The following TMTC2 variants were observed in gnomAD, a reference collection of about 807,000 sequenced individuals.
The protein encoded by TMTC2 is transmembrane O-mannosyltransferase targeting cadherins 2.
A neutral mutation model predicts 82.4 loss-of-function variants in TMTC2; 43 were observed. The ratio of observed to expected loss-of-function variants is 0.52; its 90% CI spans 0.41 to 0.67. The LOEUF (loss-of-function observed/expected upper bound fraction) is 0.67. Ranked by LOEUF, TMTC2 falls within the 30% of genes least tolerant of loss-of-function variation. TMTC2 has a pLI of 0.00. For synonymous variants in TMTC2, 408 were observed against 381.9 expected (o/e 1.07, Z -0.80); for missense variants, 919 against 1,012.4 (o/e 0.91, Z 1.25).
chr12:82,723,171 G>A (rs1454252481), intron 1 of TMTC2, among the ~76,000 whole-genome samples: 2 of 152,162 alleles, frequency 1.3e-5, no homozygotes, highest in East Asian at 1.9e-4. Context: ...GTAAAGAGAC[G>A]ATTTTAACTA....
At chr12:82,740,399 G>T (rs1405620056) in intron 1 of TMTC2, among the ~76,000 whole-genome samples, 3 of 152,142 alleles carry the variant, frequency 2.0e-5, no homozygotes, top group Non-Finnish European at 4.4e-5. Context: ...CTATCTAATG[G>T]CTACTTATTT....
chr12:82,994,988 A>G (rs958848470), intron 8 of TMTC2, among the ~76,000 whole-genome samples: 3 of 149,582 alleles, frequency 2.0e-5, no homozygotes, highest in African/African-American at 7.4e-5. Flanking sequence ...TTGATACTCT[A>G]TGATACTTGA....
At chr12:82,834,610 C>T (rs1295029154) in intron 1 of TMTC2, among the ~76,000 whole-genome samples, 6 of 152,082 alleles carry the variant, frequency 3.9e-5, no homozygotes, top group Admixed American at 3.3e-4. Context: ...TCCAAGTCAC[C>T]GTTTACTGGA....
At chr12:82,947,665 T>C (rs1877097269) in intron 4 of TMTC2, among the ~76,000 whole-genome samples, 1 of 152,194 alleles carries the variant, frequency 6.6e-6, no homozygotes, top group Admixed American at 6.5e-5. Context: ...CAACAATCGA[T>C]GGCTTGGAAA....
At chr12:82,718,298 G>T (rs1391654247) in intron 1 of TMTC2, among the ~76,000 whole-genome samples, 1 of 152,286 alleles carries the variant, frequency 6.6e-6, no homozygotes, top group South Asian at 2.1e-4. Flanking sequence ...ACATTGCAGG[G>T]TATTGTGGAA....
intron 1 of TMTC2, among the ~76,000 whole-genome samples, chr12:82,719,085 A>ATTTTTTTTTTT (rs71068944): frequency 2.4e-5 from 1 of 41,406 alleles, no homozygotes; most frequent in African/African-American, 1.2e-4. Flanking sequence ...ATATATATAT[A>ATTTTTTTTTTT]TTTTTTTTTT....
intron 1 of TMTC2, among the ~76,000 whole-genome samples, chr12:82,706,937 A>G (rs13377925): frequency 0.15 from 23,569 of 152,176 alleles, 2,085 homozygotes; most frequent in East Asian, 0.35. Flanking sequence ...TGGATGCTTC[A>G]GAGTTTGGCA....
chr12:82,788,674 A>C (rs931033689), intron 1 of TMTC2, among the ~76,000 whole-genome samples: 4 of 152,098 alleles, frequency 2.6e-5, no homozygotes, highest in South Asian at 4.1e-4. Flanking sequence ...TTCAGGAGCT[A>C]ATGTCCTGGT....
At chr12:82,715,940 C>A (rs905926848) in intron 1 of TMTC2, among the ~76,000 whole-genome samples, 1 of 152,178 alleles carries the variant, frequency 6.6e-6, no homozygotes, top group African/African-American at 2.4e-5. Flanking sequence ...ACTTCCTTCT[C>A]CCCTCCGCTC....
chr12:82,824,394 A>G (rs903525553), intron 1 of TMTC2, among the ~76,000 whole-genome samples: 1 of 152,252 alleles, frequency 6.6e-6, no homozygotes, highest in Non-Finnish European at 1.5e-5. Flanking sequence ...ACCATTCATT[A>G]TAATAATTTG....
chr12:82,688,060 C>T (rs1337474944), intron 1 of TMTC2, among the ~76,000 whole-genome samples: 1 of 152,194 alleles, frequency 6.6e-6, no homozygotes, highest in Admixed American at 6.5e-5. Flanking sequence ...TCCTCGATCC[C>T]TGATAGATCC....
intron 1 of TMTC2, 24 bp from the exon 2 acceptor site, chr12:82,856,986 T>G: frequency 1.3e-6 from 2 of 1,579,166 alleles, no homozygotes; most frequent in Non-Finnish European, 1.7e-6. Flanking sequence ...TACATTTGAT[T>G]TTTTTTAACG....
chr12:82,905,758 A>C (rs1874259300), intron 3 of TMTC2, among the ~76,000 whole-genome samples: 2 of 152,162 alleles, frequency 1.3e-5, no homozygotes, highest in Admixed American at 1.3e-4. Flanking sequence ...CATTCTGGTC[A>C]ACATGGTGAA....
At chr12:82,771,952 C>T (rs7310087) in intron 1 of TMTC2, among the ~76,000 whole-genome samples, 1 of 152,038 alleles carries the variant, frequency 6.6e-6, no homozygotes, top group Non-Finnish European at 1.5e-5. Context: ...ATGGGCAAAT[C>T]AATCTTCTAT....
At chr12:83,010,045 C>T (rs1249986055) in intron 8 of TMTC2, among the ~76,000 whole-genome samples, 1 of 152,134 alleles carries the variant, frequency 6.6e-6, no homozygotes, top group Non-Finnish European at 1.5e-5. Flanking sequence ...CGCTCATTCA[C>T]ACACCACTCA....
At chr12:82,957,383 C>T (rs1041164091) in intron 4 of TMTC2, among the ~76,000 whole-genome samples, 6 of 151,994 alleles carry the variant, frequency 3.9e-5, no homozygotes, top group South Asian at 2.1e-4. Context: ...CAGCAAAAGC[C>T]GTGTTAAGAG....
chr12:82,705,389 T>G (rs1254937074), intron 1 of TMTC2, among the ~76,000 whole-genome samples: 2 of 152,220 alleles, frequency 1.3e-5, no homozygotes, highest in African/African-American at 4.8e-5. Context: ...ACAAAAGATT[T>G]AATTATATTT....
At chr12:82,936,116 T>G (rs921317282) in intron 4 of TMTC2, among the ~76,000 whole-genome samples, 5 of 151,974 alleles carry the variant, frequency 3.3e-5, no homozygotes, top group Non-Finnish European at 4.4e-5. Context: ...ATGAAAATCA[T>G]ACGAATATAT....
chr12:83,120,336 C>A (rs1428622701), intron 11 of TMTC2, among the ~76,000 whole-genome samples: 3 of 152,152 alleles, frequency 2.0e-5, no homozygotes, highest in East Asian at 3.8e-4. Context: ...AGTTCTTGTA[C>A]TGGTGGCTTG....
Sources: gnomAD v4.1 joint callset for allele counts (sites outside exome capture counted in the v4.1 genomes callset) on GRCh38, gnomAD v4.1.1 for gene constraint, MANE v1.5 for transcripts, NCBI Gene and HGNC (gene_info 2026-07-23, HGNC 2026-07-21) for gene names.